RIN2: variants seen among roughly 807,000 people sequenced by gnomAD.
RIN2 encodes the protein Ras and Rab interactor 2.
RIN2 carries 36 observed loss-of-function variants against 78.0 expected under a neutral mutation model. The ratio of observed to expected loss-of-function variants is 0.46; its 90% confidence interval spans 0.35 to 0.61. RIN2 has a LOEUF of 0.61. Ranked by LOEUF, RIN2 falls within the 20% of genes least tolerant of loss-of-function variation. The pLI is 0.00. For missense variants in RIN2, 1,087 were observed against 1,159.7 expected (o/e 0.94, Z 0.91); for synonymous variants, 466 against 466.8 (o/e 1.00, Z 0.02).
chr20:19,994,965 G>A (rs866609701), intron 11 of RIN2, among the ~76,000 whole-genome samples: 3 of 151,998 alleles, frequency 2.0e-5, no homozygotes, highest in Non-Finnish European at 2.9e-5. Flanking sequence ...AGATTATGCC[G>A]CGGGAAAAAA....
intron 2 of RIN2, chr20:19,809,470 C>G (rs1265017895): frequency 6.6e-6 from 1 of 152,316 alleles, no homozygotes; most frequent in Non-Finnish European, 1.5e-5. Context: ...ATGGCAGTCC[C>G]CTAGCGTCCC....
intron 2 of RIN2, among the ~76,000 whole-genome samples, chr20:19,811,539 C>T (rs924306687): frequency 2.0e-5 from 3 of 152,058 alleles, no homozygotes; most frequent in Non-Finnish European, 4.4e-5. Context: ...GTGGAGGGGA[C>T]AAGGGAGGCA....
intron 2 of RIN2, among the ~76,000 whole-genome samples, chr20:19,848,844 T>C (rs2036867659): frequency 6.6e-6 from 1 of 152,196 alleles, no homozygotes; most frequent in African/African-American, 2.4e-5. Flanking sequence ...TACTGTAATA[T>C]ACTATAATAG....
rs1223716266 is a variant in RIN2, at chr20:19,788,438, A to AAAAAAAAAAAAAAC, written c.-162-11173_-162-11172insAACAAAAAAAAAAA. Among the ~76,000 whole-genome samples, 168 of 140,342 alleles carry AAAAAAAAAAAAAAC rather than the reference A, an allele frequency of 1.2e-3. 2 individuals carry two copies. The highest frequency in any genetic ancestry group is 4.6e-3 in the African/African-American group (157 of 34,076). 92.1% of individuals were successfully genotyped at this position (140,342 alleles called of 152,430 possible). On this transcript the variant is annotated intron_variant, in intron 1 of 12. Coordinates refer to ENST00000255006, the MANE Select transcript of RIN2 (RefSeq NM_018993.4). ...GGCGAAATCCTGTCTCTGCCAAAAA[A>AAAAAAAAAAAAAAC]AAAAAAAAAAACAACTAGCTAGGCA...
At chr20:19,990,877 T>C (rs2042778123) in intron 10 of RIN2, among the ~76,000 whole-genome samples, 1 of 152,204 alleles carries the variant, frequency 6.6e-6, no homozygotes, top group Non-Finnish European at 1.5e-5. Flanking sequence ...AGCCGCTTCA[T>C]TGGCTAGCCC....
At chr20:19,943,890 G>C (rs375599072) in intron 4 of RIN2, among the ~76,000 whole-genome samples, 1 of 151,308 alleles carries the variant, frequency 6.6e-6, no homozygotes, top group African/African-American at 2.4e-5. Context: ...GGGTCCTGCC[G>C]TGTCCAGAAT....
upstream of RIN2, chr20:19,757,951 G>C (rs2033439074): frequency 6.6e-6 from 1 of 152,410 alleles, no homozygotes; most frequent in African/African-American, 2.4e-5. Context: ...TAAGCGTAGC[G>C]GGTGGTTGTC....
chr20:19,947,576 C>T lies in RIN2; in HGVS notation c.159-9039C>T, dbSNP rs542928027. On this transcript the variant is annotated intron_variant, in intron 4 of 12. Coordinates refer to ENST00000255006, the MANE Select transcript of RIN2 (RefSeq NM_018993.4). ...TTTTTGTTTATTGATAAGAACTTAT[C>T]ACATGATAATTAGCCCATTGTCTTC... 7.2e-5 allele frequency among the ~76,000 whole-genome samples: 11 copies of T among 152,304 alleles called. No individual in the cohort carries two copies. In the South Asian group the frequency reaches 1.9e-3, roughly 26 times the overall value.
intron 1 of RIN2, among the ~76,000 whole-genome samples, chr20:19,785,570 T>C (rs2034650742): frequency 6.6e-6 from 1 of 152,142 alleles, no homozygotes; most frequent in Non-Finnish European, 1.5e-5. Context: ...CAGGCCTATG[T>C]TTTCTAAACC....
intron 4 of RIN2, among the ~76,000 whole-genome samples, chr20:19,951,648 A>G (rs1023434897): frequency 7.6e-5 from 9 of 118,610 alleles, no homozygotes; most frequent in African/African-American, 4.4e-4. Context: ...TGATTTTAGC[A>G]TCCACTCAAT....
chr20:19,815,974 G>A (rs1318886167), intron 2 of RIN2, among the ~76,000 whole-genome samples: 4 of 152,172 alleles, frequency 2.6e-5, no homozygotes, highest in East Asian at 1.9e-4. Context: ...AAAGATAAAC[G>A]TCTTCTTTGG....
At chr20:19,808,404 C>A (rs1361967708) in intron 2 of RIN2, among the ~76,000 whole-genome samples, 1 of 152,212 alleles carries the variant, frequency 6.6e-6, no homozygotes, top group Non-Finnish European at 1.5e-5. Flanking sequence ...TGTGGCATGG[C>A]CCTGCTTTGA....
chr20:19,886,399 G>A (rs777564881), intron 2 of RIN2: 28 of 332,690 alleles, frequency 8.4e-5, no homozygotes, highest in Admixed American at 1.4e-4. Flanking sequence ...GGGGCCACAC[G>A]GAAAGCCACC....
intron 2 of RIN2, among the ~76,000 whole-genome samples, chr20:19,846,187 C>T (rs915113569): frequency 3.3e-5 from 5 of 152,066 alleles, no homozygotes; most frequent in African/African-American, 1.2e-4. Context: ...GTTCTTTTTG[C>T]TTAGGATTGT....
chr20:19,876,063 G>A (rs2037846205), intron 2 of RIN2, among the ~76,000 whole-genome samples: 1 of 152,230 alleles, frequency 6.6e-6, no homozygotes, highest in African/African-American at 2.4e-5. Context: ...GGAATGTGAA[G>A]TGGAAAGTCT....
intron 2 of RIN2, among the ~76,000 whole-genome samples, chr20:19,875,529 G>T (rs1433523677): frequency 6.6e-6 from 1 of 152,162 alleles, no homozygotes; most frequent in Non-Finnish European, 1.5e-5. Context: ...TAGTCCCAAA[G>T]GAGTCTGAGG....
chr20:19,778,423 T>C (rs938094694), intron 1 of RIN2, among the ~76,000 whole-genome samples: 2 of 152,218 alleles, frequency 1.3e-5, no homozygotes, highest in African/African-American at 4.8e-5. Context: ...TGGTGGGAAC[T>C]TTATCTACTT....
intron 2 of RIN2, among the ~76,000 whole-genome samples, chr20:19,801,033 G>A (rs2035225339): frequency 6.6e-6 from 1 of 152,210 alleles, no homozygotes; most frequent in South Asian, 2.1e-4. Flanking sequence ...ACTGCTCTCA[G>A]AGAAAGCAAA....
rs111966650 is a variant in RIN2, at chr20:19,947,556, G to C, written c.159-9059G>C. 1.4e-3 allele frequency among the ~76,000 whole-genome samples: 218 copies of C among 152,254 alleles called. 2 individuals carry two copies. The highest frequency in any genetic ancestry group is 5.1e-3 in the African/African-American group (211 of 41,556). On this transcript the variant is annotated intron_variant, in intron 4 of 12. Transcript: ENST00000255006. Reference sequence around the variant, plus strand: ...GAGTTCTGCTTTTGTTGTTGTTTTTGTTTATTGATAAGAACTTATCACATG... The same window carrying C: ...GAGTTCTGCTTTTGTTGTTGTTTTTCTTTATTGATAAGAACTTATCACATG...
Sources: gnomAD v4.1 joint callset for allele counts (sites outside exome capture counted in the v4.1 genomes callset) on GRCh38, gnomAD v4.1.1 for gene constraint, MANE v1.5 for transcripts, NCBI Gene and HGNC (gene_info 2026-07-23, HGNC 2026-07-21) for gene names.